CDS2: variants seen among roughly 807,000 people sequenced by gnomAD.
The protein encoded by CDS2 is phosphatidate cytidylyltransferase 2.
In CDS2, 47 loss-of-function variants were observed where a neutral mutation model predicts 59.0. The observed-to-expected ratio is 0.80, with a 90% CI of 0.63 to 1.02. The LOEUF (loss-of-function observed/expected upper bound fraction) is 1.02, where lower values mean the gene tolerates loss of function less well. Among genes scored for constraint, CDS2 ranks in the 50% least tolerant of loss-of-function variants. The pLI, the probability that CDS2 is intolerant of heterozygous loss-of-function variation, is 0.00. For missense variants in CDS2, 356 were observed against 558.9 expected (o/e 0.64, Z 3.66); for synonymous variants, 207 against 206.4 (o/e 1.00, Z -0.02).
At chr20:5,139,056 C>A (rs562810412) in intron 1 of CDS2, among the ~76,000 whole-genome samples, 1 of 152,182 alleles carries the variant, frequency 6.6e-6, no homozygotes, top group South Asian at 2.1e-4. Context: ...AAAACAGACA[C>A]ACAGGCTGGG....
At chr20:5,135,762 T>G (rs981725895) in intron 1 of CDS2, among the ~76,000 whole-genome samples, 1 of 152,166 alleles carries the variant, frequency 6.6e-6, no homozygotes, top group African/African-American at 2.4e-5. Context: ...AAAGTTAAAC[T>G]TTATGGTGTT....
At chr20:5,155,587 C>G (rs2090827068) in intron 1 of CDS2, among the ~76,000 whole-genome samples, 1 of 152,210 alleles carries the variant, frequency 6.6e-6, no homozygotes, top group Admixed American at 6.5e-5. Flanking sequence ...CTTCACATTG[C>G]TCTCTCCTCT....
intron 1 of CDS2, among the ~76,000 whole-genome samples, chr20:5,169,663 C>A (rs772352503): frequency 6.6e-6 from 1 of 152,158 alleles, no homozygotes; most frequent in Non-Finnish European, 1.5e-5. Context: ...ATGCCCATTA[C>A]AAAGCATACA....
At chr20:5,149,051 C>T (rs1384092672) in intron 1 of CDS2, among the ~76,000 whole-genome samples, 1 of 151,880 alleles carries the variant, frequency 6.6e-6, no homozygotes, top group African/African-American at 2.4e-5. Flanking sequence ...GCTGTGGTCA[C>T]CCAAGCTGGA....
chr20:5,132,355 C>T (rs2090614439), intron 1 of CDS2, among the ~76,000 whole-genome samples: 1 of 152,152 alleles, frequency 6.6e-6, no homozygotes, highest in South Asian at 2.1e-4. Flanking sequence ...GCCTTGGCCT[C>T]CTGAAGTGCT....
At chr20:5,132,423 A>G (rs1394084379) in intron 1 of CDS2, among the ~76,000 whole-genome samples, 1 of 152,074 alleles carries the variant, frequency 6.6e-6, no homozygotes. Context: ...TTCTTGTGGA[A>G]TTTTTCAGTA....
chr20:5,188,188 A>G (rs923342727), intron 10 of CDS2, among the ~76,000 whole-genome samples: 3 of 152,170 alleles, frequency 2.0e-5, no homozygotes, highest in Admixed American at 2.0e-4. Flanking sequence ...TAAATGGCTG[A>G]TGCATGGTGT....
At chr20:5,144,394 CT>C (rs1442320645) in intron 1 of CDS2, among the ~76,000 whole-genome samples, 2 of 152,092 alleles carry the variant, frequency 1.3e-5, no homozygotes, top group Non-Finnish European at 2.9e-5. Context: ...TATGGCCCCC[CT>C]AGTAATGGAG....
intron 2 of CDS2, among the ~76,000 whole-genome samples, chr20:5,174,219 A>T (rs180731459): frequency 2.8e-4 from 42 of 152,134 alleles, no homozygotes; most frequent in African/African-American, 1.0e-3. Flanking sequence ...ACATTATAAG[A>T]CCCCAAAGCA....
intron 1 of CDS2, among the ~76,000 whole-genome samples, chr20:5,138,526 C>T (rs2090666603): frequency 1.3e-5 from 2 of 151,834 alleles, no homozygotes; most frequent in African/African-American, 4.8e-5. Flanking sequence ...GCTCTTGTCA[C>T]CCAGGCTGGA....
At chr20:5,180,243 A>G (rs573502364) in intron 5 of CDS2, among the ~76,000 whole-genome samples, 5 of 152,048 alleles carry the variant, frequency 3.3e-5, no homozygotes, top group Middle Eastern at 3.4e-3. Flanking sequence ...TCTTGACCCT[A>G]TACCATGTGG....
rs1301164219 is a variant in CDS2, at chr20:5,169,580, G to A, written c.58-3943G>A. ...AACTCCTGGCCTCTGACACACTGCC[G>A]TGTCTGACATGTATATGGTGTTTTT... On this transcript the variant is annotated intron_variant, in intron 1 of 12. Transcript: ENST00000460006. Among the ~76,000 whole-genome samples the A allele has an allele frequency of 2.0e-5, 3 of 152,216 alleles. No homozygotes were observed. The South Asian group carries it at 6.2e-4, about 31-fold the overall frequency.
intron 10 of CDS2, 112 bp downstream of exon 10, chr20:5,186,951 G>A: frequency 8.2e-6 from 10 of 1,215,356 alleles, no homozygotes; most frequent in South Asian, 2.6e-5. Flanking sequence ...TCCCAAAGCT[G>A]TAAGCCCCAG....
At chr20:5,185,678 G>A in intron 8 of CDS2, 80 bp from the exon 9 acceptor site, 1 of 1,257,014 alleles carries the variant, frequency 8.0e-7, no homozygotes. Context: ...ATGAAAGAAA[G>A]GTTCTTAACA....
chr20:5,145,430 G>A (rs2090734264), intron 1 of CDS2, among the ~76,000 whole-genome samples: 1 of 152,092 alleles, frequency 6.6e-6, no homozygotes, highest in Admixed American at 6.5e-5. Context: ...AATTTGCATA[G>A]TTGTTTCAGT....
intron 8 of CDS2, among the ~76,000 whole-genome samples, chr20:5,185,245 G>A (rs978682166): frequency 2.6e-5 from 4 of 152,090 alleles, no homozygotes; most frequent in African/African-American, 9.7e-5. Flanking sequence ...ACTTAGTGAG[G>A]CCTTGCCTTT....
At chr20:5,180,610 T>C (rs571261718) in intron 5 of CDS2, among the ~76,000 whole-genome samples, 14 of 152,240 alleles carry the variant, frequency 9.2e-5, no homozygotes, top group African/African-American at 3.1e-4. Flanking sequence ...CTGCAGTTGT[T>C]TTCTCAGCAA....
intron 1 of CDS2, among the ~76,000 whole-genome samples, chr20:5,155,974 T>C (rs1466806388): frequency 6.6e-6 from 1 of 152,062 alleles, no homozygotes; most frequent in Non-Finnish European, 1.5e-5. Context: ...TGGACTAGGA[T>C]GGATTGTGGA....
intron 1 of CDS2, among the ~76,000 whole-genome samples, chr20:5,144,077 C>T (rs2090719683): frequency 6.6e-6 from 1 of 152,050 alleles, no homozygotes; most frequent in Non-Finnish European, 1.5e-5. Context: ...GCTTTCAGTT[C>T]TTTTGGGTAT....
Sources: allele counts gnomAD v4.1 joint callset (sites outside exome capture counted in the v4.1 genomes callset), GRCh38; gene constraint gnomAD v4.1.1; transcripts MANE v1.5; gene names NCBI Gene and HGNC (gene_info 2026-07-23, HGNC 2026-07-21).